SFMBT2: variants seen among roughly 807,000 people sequenced by gnomAD.
SFMBT2 encodes scm-like with four MBT domains protein 2.
Under a neutral mutation model 110.1 loss-of-function variants are expected in SFMBT2, and 38 were observed. That is an observed-to-expected ratio of 0.35 (90% CI 0.27 to 0.45). The LOEUF (loss-of-function observed/expected upper bound fraction) is 0.45, where lower values mean the gene tolerates loss of function less well. SFMBT2 is among the 20% of genes least tolerant of loss of function. The probability of loss-of-function intolerance (pLI) is 1.00; values close to 1 mark genes in which losing one functional copy is unlikely to be tolerated. For missense variants in SFMBT2, 1,011 were observed against 1,094.9 expected (o/e 0.92, Z 1.08); for synonymous variants, 425 against 425.4 (o/e 1.00, Z 0.01).
At chr10:7,290,708 G>A (rs983007732) in intron 4 of SFMBT2, among the ~76,000 whole-genome samples, 1 of 151,690 alleles carries the variant, frequency 6.6e-6, no homozygotes, top group African/African-American at 2.4e-5. Context: ...ATGGTAGTGG[G>A]TGGCTGTAGT....
At chr10:7,268,975 G>T (rs1001536587) in intron 7 of SFMBT2, among the ~76,000 whole-genome samples, 1 of 152,066 alleles carries the variant, frequency 6.6e-6, no homozygotes, top group Non-Finnish European at 1.5e-5. Flanking sequence ...CTACAGACTT[G>T]TTATAGACAT....
rs1837866315 is a variant in SFMBT2 at position 7,171,305 on chromosome 10, C to T, written c.2416-249G>A. Reference sequence around the variant, plus strand: ...GCAGGCACAGTGACAGTCGCTCTTGCATCCCTAGTTCAGGAAACCTTGGGC... The same window carrying T: ...GCAGGCACAGTGACAGTCGCTCTTGTATCCCTAGTTCAGGAAACCTTGGGC... On this transcript the variant is annotated intron_variant, in intron 19 of 20. Coordinates refer to ENST00000397167, the MANE Select transcript of SFMBT2 (RefSeq NM_001387889.1). The surrounding 1 kb of genome is among the most constrained non-coding windows in gnomAD (Gnocchi z 4.9). 1 of 885,172 alleles carries T rather than the reference C, an allele frequency of 1.1e-6. No homozygotes were observed. The highest frequency in any genetic ancestry group is 1.8e-5 in the African/African-American group (1 of 55,218). The allele number at this position is 885,172 out of a possible 1,614,324, so 54.8% of individuals were successfully genotyped here.
At chr10:7,192,006 TGTC>T (rs1838615980) in intron 15 of SFMBT2, among the ~76,000 whole-genome samples, 1 of 152,084 alleles carries the variant, frequency 6.6e-6, no homozygotes, top group African/African-American at 2.4e-5. Context: ...AAATTTATCT[TGTC>T]TTCTCTATGA....
chr10:7,372,364 A>C (rs1845086581), intron 2 of SFMBT2, among the ~76,000 whole-genome samples: 1 of 152,236 alleles, frequency 6.6e-6, no homozygotes, highest in African/African-American at 2.4e-5. Context: ...TCTAAGCCCA[A>C]GTTGCTTAGA....
intron 4 of SFMBT2, among the ~76,000 whole-genome samples, chr10:7,327,261 T>C (rs892894671): frequency 1.3e-5 from 2 of 152,198 alleles, no homozygotes; most frequent in African/African-American, 2.4e-5. Context: ...AGGTATATAG[T>C]TTTATGAATT....
chr10:7,291,027 A>G (rs1225066116), intron 4 of SFMBT2, among the ~76,000 whole-genome samples: 1 of 151,848 alleles, frequency 6.6e-6, no homozygotes, highest in African/African-American at 2.4e-5. Flanking sequence ...CCGGGCTGTG[A>G]GTATAAAGCC....
chr10:7,386,579 G>C (rs1845612043), intron 1 of SFMBT2, among the ~76,000 whole-genome samples: 1 of 152,124 alleles, frequency 6.6e-6, no homozygotes, highest in Non-Finnish European at 1.5e-5. Flanking sequence ...CTGCACTCCA[G>C]CCTAGGAGTC....
At chr10:7,226,803 A>T (rs1839910510) in intron 10 of SFMBT2, among the ~76,000 whole-genome samples, 1 of 152,210 alleles carries the variant, frequency 6.6e-6, no homozygotes, top group Admixed American at 6.5e-5. Context: ...TTATATGGTT[A>T]TACCACATAA....
Position 7,172,522 on chromosome 10 carries a change from G to C in SFMBT2, c.2124C>G (p.Ala708=). Residue 708 remains alanine, a synonymous_variant, in exon 18 of 21, where the codon GCC becomes GCG. Coordinates refer to ENST00000397167, the MANE Select transcript of SFMBT2 (RefSeq NM_001387889.1). The surrounding 1 kb of genome is among the most constrained non-coding windows in gnomAD (Gnocchi z 4.6). ...IFVQKKRRSS[A]VDFTAGSGEE... ...CCCCCGAGCCCGCGGTGAAGTCCAC[G>C]GCAGAAGACCTCCGTTTCTTCTGCA... 6.2e-7 allele frequency: 1 copy of C among 1,614,096 alleles called. No individual in the cohort carries two copies.
intron 16 of SFMBT2, among the ~76,000 whole-genome samples, chr10:7,178,601 G>C (rs1015438879): frequency 3.9e-5 from 6 of 152,088 alleles, no homozygotes; most frequent in Non-Finnish European, 7.4e-5. Flanking sequence ...TTTAGAGTGA[G>C]ACATGCTTCT....
chr10:7,354,087 CAA>C (rs35454902), intron 4 of SFMBT2, among the ~76,000 whole-genome samples: 7 of 123,330 alleles, frequency 5.7e-5, no homozygotes, highest in Admixed American at 8.3e-5. Context: ...ACTCCCTCTC[CAA>C]AAAAAAAAAA....
intron 13 of SFMBT2, 59 bp downstream of exon 13, chr10:7,202,421 A>G (rs1447613046): frequency 7.5e-6 from 12 of 1,608,742 alleles, no homozygotes; most frequent in Non-Finnish European, 1.0e-5. Context: ...CCCATCCTCC[A>G]TAAAGACACT....
chr10:7,328,510 T>C (rs1352056814), intron 4 of SFMBT2, among the ~76,000 whole-genome samples: 1 of 152,250 alleles, frequency 6.6e-6, no homozygotes, highest in African/African-American at 2.4e-5. Context: ...TCTGTTCTCA[T>C]GTCTATGAAC....
chr10:7,330,921 G>C (rs1843543133), intron 4 of SFMBT2, among the ~76,000 whole-genome samples: 1 of 152,194 alleles, frequency 6.6e-6, no homozygotes, highest in African/African-American at 2.4e-5. Context: ...CCCTGGAAGG[G>C]GGACAGGCAG....
intron 4 of SFMBT2, among the ~76,000 whole-genome samples, chr10:7,349,688 A>T (rs1163252244): frequency 6.6e-6 from 1 of 151,272 alleles, no homozygotes; most frequent in Non-Finnish European, 1.5e-5. Flanking sequence ...CAAACTCCTG[A>T]CCTAGGGTGA....
At chr10:7,167,804 A>T (rs1837735645) in intron 20 of SFMBT2, among the ~76,000 whole-genome samples, 1 of 152,202 alleles carries the variant, frequency 6.6e-6, no homozygotes, top group Admixed American at 6.5e-5. Context: ...TGAGATGATG[A>T]TCAATGAAAG....
intron 2 of SFMBT2, among the ~76,000 whole-genome samples, chr10:7,379,040 C>T (rs1845350673): frequency 6.6e-6 from 1 of 152,052 alleles, no homozygotes; most frequent in African/African-American, 2.4e-5. Context: ...AGCAGCTATG[C>T]CAGTGGGCTG....
chr10:7,328,055 T>C (rs888027140), intron 4 of SFMBT2, among the ~76,000 whole-genome samples: 2 of 152,222 alleles, frequency 1.3e-5, no homozygotes, highest in Non-Finnish European at 1.5e-5. Context: ...GTTTTCCCAA[T>C]TGGCTTTCCC....
intron 20 of SFMBT2, among the ~76,000 whole-genome samples, chr10:7,166,670 T>A (rs1445292094): frequency 2.0e-5 from 3 of 152,102 alleles, no homozygotes; most frequent in African/African-American, 7.2e-5. Flanking sequence ...AGCTAAGGGC[T>A]CAAACAGGAC....
Sources: allele counts gnomAD v4.1 joint callset (sites outside exome capture counted in the v4.1 genomes callset), GRCh38; gene constraint gnomAD v4.1.1; non-coding constraint Gnocchi (gnomAD v3.1); transcripts MANE v1.5; gene names NCBI Gene and HGNC (gene_info 2026-07-23, HGNC 2026-07-21).